RANBP17: variants seen among roughly 807,000 people sequenced by gnomAD.
RANBP17 encodes RAN binding protein 17.
Under a neutral mutation model 141.2 loss-of-function variants are expected in RANBP17, and 158 were observed. The observed-to-expected ratio is 1.12, with a 90% CI of 0.98 to 1.28. The LOEUF is 1.28. RANBP17 is among the 50% of genes most tolerant of loss of function. The probability of loss-of-function intolerance (pLI) is 0.00; values close to 1 mark genes in which losing one functional copy is unlikely to be tolerated. For missense variants in RANBP17, 1,438 were observed against 1,290.7 expected (o/e 1.11, Z -1.75); for synonymous variants, 430 against 450.0 (o/e 0.96, Z 0.56).
At chr5:170,867,265 A>G (rs1767339888) in intron 1 of RANBP17, 1 of 152,200 alleles carries the variant, frequency 6.6e-6, no homozygotes, top group South Asian at 2.1e-4. Context: ...TTGACTCAGA[A>G]TTTGATTATT....
intron 14 of RANBP17, among the ~76,000 whole-genome samples, chr5:171,036,641 C>T (rs554330460): frequency 6.6e-6 from 1 of 152,084 alleles, no homozygotes; most frequent in Admixed American, 6.6e-5. Flanking sequence ...TCTGTATGTC[C>T]GTGGGTACCC....
Position 171,183,443 on chromosome 5 carries a change from AT to A in RANBP17, c.2038+16del. The A allele has an allele frequency of 6.4e-7, 1 of 1,559,072 alleles. No individual in the cohort carries two copies. The highest frequency in any genetic ancestry group is 8.8e-7 in the Non-Finnish European group (1 of 1,130,040). On this transcript the variant is annotated intron_variant, in intron 18 of 27. Transcript: ENST00000523189. ...ATGGTAGATCTGGGTAAGGTTAAGA[AT>A]TTAAACTCAATTAATAAGGGATCAG...
At chr5:171,086,630 A>C (rs1443440777) in intron 14 of RANBP17, among the ~76,000 whole-genome samples, 3 of 149,072 alleles carry the variant, frequency 2.0e-5, no homozygotes, top group Admixed American at 6.7e-5. Flanking sequence ...GATTATTGCC[A>C]CAATTTCAGC....
At chr5:171,267,925 A>G (rs1766835552) in intron 25 of RANBP17, among the ~76,000 whole-genome samples, 2 of 152,362 alleles carry the variant, frequency 1.3e-5, no homozygotes, top group South Asian at 4.1e-4. Context: ...AAATGAAATT[A>G]TGTAAACTTT....
intron 14 of RANBP17, among the ~76,000 whole-genome samples, chr5:171,104,475 G>A (rs543757846): frequency 6.6e-6 from 1 of 152,314 alleles, no homozygotes; most frequent in Admixed American, 6.5e-5. Context: ...AGACTATCCA[G>A]AATGTTGCCT....
At chr5:171,069,593 G>A (rs1426329955) in intron 14 of RANBP17, among the ~76,000 whole-genome samples, 6 of 152,058 alleles carry the variant, frequency 3.9e-5, no homozygotes, top group Non-Finnish European at 8.8e-5. Context: ...TCCACATTCT[G>A]TTTTTCATTT....
intron 18 of RANBP17, among the ~76,000 whole-genome samples, chr5:171,187,694 TA>T (rs2127932731): frequency 6.6e-6 from 1 of 152,306 alleles, no homozygotes; most frequent in East Asian, 1.9e-4. Flanking sequence ...AATTTGTTAC[TA>T]AAAAGCTAAA....
chr5:171,037,500 TA>T (rs1182362811), intron 14 of RANBP17, among the ~76,000 whole-genome samples: 1 of 152,186 alleles, frequency 6.6e-6, no homozygotes, highest in African/African-American at 2.4e-5. Flanking sequence ...GACATAAACA[TA>T]AATTCTTTCC....
At chr5:171,195,626 C>G (rs141916688) in intron 18 of RANBP17, among the ~76,000 whole-genome samples, 1 of 152,176 alleles carries the variant, frequency 6.6e-6, no homozygotes, top group Admixed American at 6.5e-5. Context: ...TCATGCAGCT[C>G]CAAATTTAGG....
At chr5:170,935,483 G>C (rs184745335) in intron 12 of RANBP17, among the ~76,000 whole-genome samples, 1 of 152,094 alleles carries the variant, frequency 6.6e-6, no homozygotes, top group Non-Finnish European at 1.5e-5. Context: ...GTATGGATGG[G>C]GTTTTGGTGT....
At chr5:170,968,115 T>G in intron 13 of RANBP17, 127 bp from the exon 14 acceptor site, 1 of 623,562 alleles carries the variant, frequency 1.6e-6, no homozygotes, top group Non-Finnish European at 2.5e-6. Context: ...AATATTTTCT[T>G]TATATTTTTT....
intron 14 of RANBP17, among the ~76,000 whole-genome samples, chr5:171,024,142 A>G (rs1440225206): frequency 6.6e-6 from 1 of 152,180 alleles, no homozygotes; most frequent in African/African-American, 2.4e-5. Context: ...TTCCATTGGA[A>G]TCAGAAACAT....
At chr5:171,271,096 T>C (rs1767088088) in intron 25 of RANBP17, 1 of 124,166 alleles carries the variant, frequency 8.1e-6, no homozygotes. Flanking sequence ...TTTTTTTTTT[T>C]TTTTTTTTTT....
chr5:171,126,043 C>T (rs2127781328), intron 14 of RANBP17, among the ~76,000 whole-genome samples: 1 of 152,272 alleles, frequency 6.6e-6, no homozygotes, highest in South Asian at 2.1e-4. Context: ...GCCTTGGCCT[C>T]CCAAAGTGCT....
intron 14 of RANBP17, among the ~76,000 whole-genome samples, chr5:170,985,860 G>A (rs538049123): frequency 1.3e-5 from 2 of 152,216 alleles, no homozygotes; most frequent in East Asian, 1.9e-4. Flanking sequence ...TTGGATAGGG[G>A]TACCATCTTG....
At chr5:170,957,635 A>G (rs1775824753) in intron 13 of RANBP17, among the ~76,000 whole-genome samples, 1 of 151,988 alleles carries the variant, frequency 6.6e-6, no homozygotes, top group Non-Finnish European at 1.5e-5. Flanking sequence ...TTAGAGCCAC[A>G]TTTTTCATAC....
intron 14 of RANBP17, among the ~76,000 whole-genome samples, chr5:170,976,388 T>G (rs1777383069): frequency 6.6e-6 from 1 of 152,168 alleles, no homozygotes; most frequent in Non-Finnish European, 1.5e-5. Flanking sequence ...CAAGACTTAA[T>G]ATTGTTAAGA....
chr5:170,999,966 A>G (rs938481324), intron 14 of RANBP17, among the ~76,000 whole-genome samples: 3 of 152,176 alleles, frequency 2.0e-5, no homozygotes, highest in Non-Finnish European at 2.9e-5. Flanking sequence ...TGACAACCCT[A>G]GGTACTTCAT....
At chr5:171,175,866 C>T (rs1028604244) in intron 16 of RANBP17, among the ~76,000 whole-genome samples, 1 of 151,678 alleles carries the variant, frequency 6.6e-6, no homozygotes, top group Non-Finnish European at 1.5e-5. Flanking sequence ...ATGACTTCTC[C>T]ATGTTATTGC....
Sources: gnomAD v4.1 joint callset for allele counts (sites outside exome capture counted in the v4.1 genomes callset) on GRCh38, gnomAD v4.1.1 for gene constraint, MANE v1.5 for transcripts, NCBI Gene and HGNC (gene_info 2026-07-23, HGNC 2026-07-21) for gene names.